KATNIP: variants seen among roughly 807,000 people sequenced by gnomAD.
KATNIP encodes the protein katanin-interacting protein.
KATNIP carries 126 observed loss-of-function variants against 174.0 expected under a neutral mutation model. That is an observed-to-expected ratio of 0.72 (90% CI 0.63 to 0.84). KATNIP has a LOEUF of 0.84. Among genes scored for constraint, KATNIP ranks in the 40% least tolerant of loss-of-function variants. The probability of loss-of-function intolerance (pLI) is 0.00; values close to 1 mark genes in which losing one functional copy is unlikely to be tolerated. For missense variants in KATNIP, 1,958 were observed against 2,109.7 expected (o/e 0.93, Z 1.41); for synonymous variants, 810 against 835.7 (o/e 0.97, Z 0.53).
intron 14 of KATNIP, among the ~76,000 whole-genome samples, chr16:27,739,252 G>C (rs1000355356): frequency 2.0e-5 from 3 of 152,080 alleles, no homozygotes; most frequent in Non-Finnish European, 4.4e-5. Flanking sequence ...AGAAAGAGAG[G>C]GATCAAGGGG....
chr16:27,565,799 A>C (rs569497969), intron 1 of KATNIP, among the ~76,000 whole-genome samples: 1 of 152,084 alleles, frequency 6.6e-6, no homozygotes, highest in East Asian at 1.9e-4. Context: ...AACAACAAAA[A>C]AACAAAAAAA....
Position 27,777,541 on chromosome 16 carries a change from C to A in KATNIP, c.4552-69C>A. 3 of 1,461,362 alleles carry A rather than the reference C, an allele frequency of 2.1e-6. No individual in the cohort carries two copies. Among genetic ancestry groups the A allele is most frequent in the Non-Finnish European group, 2.8e-6 (3 of 1,083,912 alleles). 90.5% of individuals were successfully genotyped at this position (1,461,362 alleles called of 1,614,324 possible). On this transcript the variant is annotated intron_variant, in intron 25 of 27. Transcript: ENST00000261588. The surrounding 1 kb of genome is among the most constrained non-coding windows in gnomAD (Gnocchi z 4.4). ...AGAAAGCCTTGGCTCAGAGCAGTAA[C>A]GCGTTCTGCCCAAGGTCAACGTGGG... is the stretch of plus-strand genomic sequence containing the variant.
intron 8 of KATNIP, among the ~76,000 whole-genome samples, chr16:27,690,355 T>C (rs1465253782): frequency 9.2e-6 from 1 of 109,060 alleles, no homozygotes; most frequent in African/African-American, 3.5e-5. Flanking sequence ...GATAGATAGA[T>C]AGATAGATGA....
chr16:27,720,245 C>T (rs1424799555), intron 13 of KATNIP, among the ~76,000 whole-genome samples: 1 of 152,036 alleles, frequency 6.6e-6, no homozygotes, highest in Non-Finnish European at 1.5e-5. Flanking sequence ...CATGCACCAC[C>T]ACGCCCAGCT....
In KATNIP at chr16:27,751,800, T is replaced by C. The variant is rs772034184; in HGVS notation, c.3428T>C (p.Phe1143Ser). Residue 1143 changes from phenylalanine (F) to serine (S), a missense_variant, in exon 17 of 28, where the codon TTT (phenylalanine) becomes TCT (serine). This residue lies in a region of KATNIP where 1,557 missense variants were observed against 1,617.8 expected (regional missense o/e 0.96). Transcript: ENST00000261588. ...GCCATATTCTATTCTGATGAGATGT[T>C]TGACCTGGATGTGGGGAGCCTGGAC... The part of the protein sequence containing the change: ...LEAIFYSDEM[F>S]DLDVGSLDSL... 6 of 1,614,232 alleles carry C rather than the reference T, an allele frequency of 3.7e-6. No individual in the cohort carries two copies. The highest frequency in any genetic ancestry group is 5.1e-6 in the Non-Finnish European group (6 of 1,180,048).
At chr16:27,737,468 T>C (rs959420318) in intron 14 of KATNIP, among the ~76,000 whole-genome samples, 1 of 152,110 alleles carries the variant, frequency 6.6e-6, no homozygotes, top group South Asian at 2.1e-4. Flanking sequence ...AAGCAGTCAC[T>C]TGGGGCTTGG....
chr16:27,587,630 C>T (rs2090949792), intron 2 of KATNIP, among the ~76,000 whole-genome samples: 1 of 152,164 alleles, frequency 6.6e-6, no homozygotes, highest in African/African-American at 2.4e-5. Context: ...TAAATGTGCT[C>T]ACGGCACTTA....
Position 27,773,190 on chromosome 16 carries a change from A to C in KATNIP, c.4290A>C (p.Lys1430Asn). Residue 1430 changes from lysine (K) to asparagine (N), a missense_variant, in exon 23 of 28, where the codon AAA (lysine) becomes AAC (asparagine). Coordinates refer to ENST00000261588, the MANE Select transcript of KATNIP (RefSeq NM_015202.5). ...GLELYDERGE[K>N]IPLSENNIAA... ...AGCTGTATGACGAGCGAGGAGAAAA[A>C]ATCCCCTTGTCGGAAAACAGTATCC... 1 of 1,610,186 alleles carries C rather than the reference A, an allele frequency of 6.2e-7. No individual in the cohort carries two copies. Among genetic ancestry groups the C allele is most frequent in the Non-Finnish European group, 8.5e-7 (1 of 1,177,848 alleles).
At position 27,699,654 on chromosome 16, in the gene KATNIP, A is replaced by G. The variant is rs2079030880; in HGVS notation, c.1179+55A>G. ...GCCCCACGCATGTGCGTAGCTCCCG[A>G]TGGTGCCAGGCAGAGATGAATGACA... On this transcript the variant is annotated intron_variant, in intron 10 of 27. Transcript: ENST00000261588. 12 of 1,611,020 alleles carry G rather than the reference A, an allele frequency of 7.4e-6. No individual in the cohort carries two copies. In the Middle Eastern group the frequency reaches 5.0e-4, roughly 67 times the overall value.
intron 3 of KATNIP, among the ~76,000 whole-genome samples, chr16:27,619,792 A>G (rs984657518): frequency 4.6e-5 from 7 of 152,182 alleles, no homozygotes; most frequent in African/African-American, 1.7e-4. Context: ...AGGGCCAGCC[A>G]GAAACGCCAC....
At chr16:27,691,038 C>T (rs898886276) in intron 8 of KATNIP, among the ~76,000 whole-genome samples, 2 of 152,098 alleles carry the variant, frequency 1.3e-5, no homozygotes, top group African/African-American at 2.4e-5. Flanking sequence ...TGTGGGCTGC[C>T]GGTTTATGAT....
At chr16:27,727,250 G>A (rs184490974) in intron 14 of KATNIP, 64 of 226,198 alleles carry the variant, frequency 2.8e-4, no homozygotes, top group African/African-American at 5.3e-4. Context: ...GTGCAGTGGC[G>A]TGATCATGGC....
At position 27,573,788 on chromosome 16, in the gene KATNIP, A is replaced by G. The variant is rs897061809; in HGVS notation, c.8-113A>G. On this transcript the variant is annotated intron_variant, in intron 1 of 27. Coordinates refer to ENST00000261588, the MANE Select transcript of KATNIP (RefSeq NM_015202.5). ...TAATAGGCTGCATTTTCTTAAAATCATTTGATTATGATTGGTCCCATCTAT... is the reference window on the plus strand; with the variant it reads ...TAATAGGCTGCATTTTCTTAAAATCGTTTGATTATGATTGGTCCCATCTAT... 26 of 963,396 alleles carry G rather than the reference A, an allele frequency of 2.7e-5. No individual in the cohort carries two copies. The South Asian group carries it at 3.3e-4, about 12-fold the overall frequency. 59.7% of individuals were successfully genotyped at this position (963,396 alleles called of 1,614,324 possible). A position where few individuals can be genotyped will look rare whatever the true frequency, so the allele number is the denominator to read the frequency against.
At chr16:27,679,655 G>T (rs1049779940) in intron 7 of KATNIP, among the ~76,000 whole-genome samples, 1 of 151,710 alleles carries the variant, frequency 6.6e-6, no homozygotes, top group Non-Finnish European at 1.5e-5. Flanking sequence ...GGGAGGCTGA[G>T]GCAGGAGGAT....
At chr16:27,660,564 A>T (rs1317996585) in intron 6 of KATNIP, among the ~76,000 whole-genome samples, 1 of 151,744 alleles carries the variant, frequency 6.6e-6, no homozygotes, top group African/African-American at 2.4e-5. Flanking sequence ...GAACAAAACA[A>T]CAACAACAAC....
At chr16:27,619,848 T>G (rs1198549381) in intron 3 of KATNIP, among the ~76,000 whole-genome samples, 1 of 152,076 alleles carries the variant, frequency 6.6e-6, no homozygotes, top group African/African-American at 2.4e-5. Context: ...TCCCCCTCCA[T>G]CCCCACATCA....
At chr16:27,739,327 T>C (rs1310205748) in intron 14 of KATNIP, among the ~76,000 whole-genome samples, 5 of 152,138 alleles carry the variant, frequency 3.3e-5, no homozygotes, top group Admixed American at 3.3e-4. Context: ...AAGACTAGGG[T>C]TGGGGAAAGT....
At chr16:27,642,769 A>AT (rs143123046) in intron 5 of KATNIP, among the ~76,000 whole-genome samples, 328 of 125,600 alleles carry the variant, frequency 2.6e-3, no homozygotes, top group Non-Finnish European at 2.3e-3. Flanking sequence ...TTTTTAAAAA[A>AT]TTTTTTTTTT....
At chr16:27,673,534 C>G (rs2077996262) in intron 6 of KATNIP, among the ~76,000 whole-genome samples, 1 of 152,216 alleles carries the variant, frequency 6.6e-6, no homozygotes, top group African/African-American at 2.4e-5. Flanking sequence ...CCCGCACTTG[C>G]TTTAATCGTT....
Sources: gnomAD v4.1 joint callset for allele counts (sites outside exome capture counted in the v4.1 genomes callset) on GRCh38, gnomAD v4.1.1 for gene constraint, gnomAD v4.1.1 regional missense constraint, Gnocchi (gnomAD v3.1) non-coding constraint, MANE v1.5 for transcripts, NCBI Gene and HGNC (gene_info 2026-07-23, HGNC 2026-07-21) for gene names.